MLKL: variants seen among roughly 807,000 people sequenced by gnomAD.
MLKL encodes the protein mixed lineage kinase domain like pseudokinase, also known as mixed lineage kinase domain-like protein.
Under a neutral mutation model 56.5 loss-of-function variants are expected in MLKL, and 55 were observed. That is an observed-to-expected ratio of 0.97 (90% CI 0.78 to 1.22). MLKL has a LOEUF of 1.22. Ranked by LOEUF, MLKL falls within the 50% of genes most tolerant of loss-of-function variation. The probability of loss-of-function intolerance (pLI) is 0.00; values close to 1 mark genes in which losing one functional copy is unlikely to be tolerated. For synonymous variants in MLKL, 251 were observed against 208.3 expected (o/e 1.20, Z -1.76); for missense variants, 694 against 573.9 (o/e 1.21, Z -2.14).
chr16:74,685,288 C>T (rs1960253197), intron 5 of MLKL, among the ~76,000 whole-genome samples, 198 bp downstream of exon 5: 1 of 152,106 alleles, frequency 6.6e-6, no homozygotes, highest in Non-Finnish European at 1.5e-5. Flanking sequence ...AACCACCCCT[C>T]AGCCTTCAGC....
Position 74,678,883 on chromosome 16 carries a change from C to G in MLKL, c.1038+16G>C, listed in dbSNP as rs774979569. 6.2e-7 allele frequency: 1 copy of G among 1,612,844 alleles called. No individual in the cohort carries two copies. Among genetic ancestry groups the G allele is most frequent in the South Asian group, 1.1e-5 (1 of 90,990 alleles). Reference sequence around the variant, plus strand: ...ATGCAGGTTTGACCCAAAGCGCCCCCGCAAGGCACACTCACCTTCACTTGG... The same window carrying G: ...ATGCAGGTTTGACCCAAAGCGCCCCGGCAAGGCACACTCACCTTCACTTGG... On this transcript the variant is annotated intron_variant, in intron 7 of 10. Transcript: ENST00000308807.
chr16:74,684,740 C>T (rs180896377), intron 5 of MLKL, among the ~76,000 whole-genome samples: 48 of 152,232 alleles, frequency 3.2e-4, no homozygotes, highest in Non-Finnish European at 4.7e-4. Context: ...GTGATCCACC[C>T]ACCTCAGCCT....
chr16:74,692,981 G>A (rs956413573), intron 2 of MLKL, among the ~76,000 whole-genome samples: 15 of 152,216 alleles, frequency 9.9e-5, no homozygotes, highest in Non-Finnish European at 2.1e-4. Flanking sequence ...CTGGGGACAT[G>A]AAACCCTGAC....
rs554636664 is a variant in MLKL at position 74,685,534 on chromosome 16, C to T, written c.772G>A (p.Glu258Lys). Residue 258 changes from glutamate to lysine, a missense_variant, in exon 5 of 11, where the codon GAA (glutamate) becomes AAA (lysine). Coordinates refer to ENST00000308807, the MANE Select transcript of MLKL (RefSeq NM_152649.4). ...NKEIKTMKKF[E>K]SPNILRIFGI... ...AATATACGCAGGATGTTGGGAGATT[C>T]GAATTTCTTCATGGTTTTGATCTCC... 1.1e-5 allele frequency: 18 copies of T among 1,614,060 alleles called. No homozygotes were observed. Among genetic ancestry groups the T allele is most frequent in the Admixed American group, 8.3e-5 (5 of 60,002 alleles).
intron 3 of MLKL, 71 bp downstream of exon 3, chr16:74,692,271 C>G (rs1454681415): frequency 8.1e-6 from 11 of 1,364,692 alleles, no homozygotes; most frequent in Non-Finnish European, 1.1e-5. Flanking sequence ...TAGCGGGAGG[C>G]TGGGGTCCCA....
intron 5 of MLKL, among the ~76,000 whole-genome samples, chr16:74,684,645 C>T (rs1168057679): frequency 6.6e-6 from 1 of 151,164 alleles, no homozygotes; most frequent in Non-Finnish European, 1.5e-5. Context: ...GAGGCATGTG[C>T]CACCACATCC....
chr16:74,675,541 T>G, intron 8 of MLKL, 72 bp downstream of exon 8: 1 of 1,576,452 alleles, frequency 6.3e-7, no homozygotes, highest in South Asian at 1.2e-5. Flanking sequence ...TAGGTGGTCC[T>G]TGGAGGAGTT....
Position 74,678,879 on chromosome 16 carries a change from C to T in MLKL, c.1038+20G>A, listed in dbSNP as rs1364071879. 1.2e-6 allele frequency: 2 copies of T among 1,609,778 alleles called. No homozygotes were observed. ...AGTCATGCAGGTTTGACCCAAAGCG[C>T]CCCCGCAAGGCACACTCACCTTCAC... On this transcript the variant is annotated intron_variant, in intron 7 of 10. Transcript: ENST00000308807.
intron 10 of MLKL, among the ~76,000 whole-genome samples, chr16:74,672,769 G>C (rs1597474521): frequency 6.6e-6 from 1 of 152,186 alleles, no homozygotes; most frequent in East Asian, 1.9e-4. Flanking sequence ...ATCTTAGTAT[G>C]AATTACTCTC....
chr16:74,679,035 G>A, intron 6 of MLKL, 55 bp from the exon 7 acceptor site: 2 of 1,414,136 alleles, frequency 1.4e-6, no homozygotes, highest in Non-Finnish European at 2.0e-6. Context: ...TTTCTTTGGG[G>A]GACTGACAAT....
intron 4 of MLKL, among the ~76,000 whole-genome samples, chr16:74,685,900 G>T (rs532340367): frequency 1.3e-5 from 2 of 151,624 alleles, no homozygotes; most frequent in Non-Finnish European, 2.9e-5. Context: ...TCAAGTATTT[G>T]TTACTGTTTT....
intron 4 of MLKL, among the ~76,000 whole-genome samples, chr16:74,686,002 C>G (rs149909511): frequency 6.6e-6 from 1 of 151,300 alleles, no homozygotes; most frequent in East Asian, 1.9e-4. Flanking sequence ...CTTTGTCACC[C>G]AGGCTGGAGT....
Position 74,682,792 on chromosome 16 carries a change from G to A in MLKL, c.821-6C>T. On this transcript the variant is annotated splice_polypyrimidine_tract_variant and splice_region_variant and intron_variant, in intron 5 of 10. Transcript: ENST00000308807. The stretch of plus-strand genomic sequence containing the variant: ...GGAGAATTGAGGCGGAGTCACTGGT[G>A]GAAAGGAGCCAGACACTATGAGGAC... 1 of 1,613,790 alleles carries A rather than the reference G, an allele frequency of 6.2e-7. No individual in the cohort carries two copies. The highest frequency in any genetic ancestry group is 8.5e-7 in the Non-Finnish European group (1 of 1,179,834).
chr16:74,692,348 T>C lies in MLKL; in HGVS notation c.529A>G (p.Arg177Gly). 1 of 1,613,598 alleles carries C rather than the reference T, an allele frequency of 6.2e-7. No homozygotes were observed. Among genetic ancestry groups the C allele is most frequent in the South Asian group, 1.1e-5 (1 of 90,842 alleles). The part of the protein sequence containing the change: ...INMKEIKETL[R>G]QYLPPKCMQE... Reference sequence around the variant, plus strand: ...AGGGCACATGATAACTTACACTGCCTCAAAGTTTCCTTGATTTCTTTCATG... The same window carrying C: ...AGGGCACATGATAACTTACACTGCCCCAAAGTTTCCTTGATTTCTTTCATG... The change falls in exon 3 of 11, where the codon AGG (arginine) becomes GGG (glycine). Residue 177 changes from arginine to glycine, a missense_variant. By Grantham distance (125) the Arg-to-Gly change is moderately radical. Transcript: ENST00000308807.
At position 74,691,301 on chromosome 16, in the gene MLKL, T is replaced by C. The variant is rs1960659037; in HGVS notation, c.698A>G (p.Lys233Arg). 3 of 1,611,414 alleles carry C rather than the reference T, an allele frequency of 1.9e-6. No individual in the cohort carries two copies. Among genetic ancestry groups the C allele is most frequent in the South Asian group, 2.2e-5 (2 of 90,778 alleles). ...HRAPVAIKVF[K>R]KLQAGSIAIV... ...CGCAATGCTGCCAGCCTGGAGTTTT[T>C]TGAATACTTTTATGGCCACTGGAGC... The change falls in exon 4 of 11, where the codon AAA becomes AGA. Residue 233 changes from lysine to arginine, a missense_variant. Coordinates refer to ENST00000308807, the MANE Select transcript of MLKL (RefSeq NM_152649.4).
At chr16:74,691,524 A>G (rs924598887) in intron 3 of MLKL, 61 bp from the exon 4 acceptor site, 1 of 1,536,252 alleles carries the variant, frequency 6.5e-7, no homozygotes, top group African/African-American at 1.4e-5. Context: ...AAGGGGTCCT[A>G]AGGGAGGTGG....
intron 7 of MLKL, chr16:74,676,605 G>C (rs1012786580): frequency 8.1e-6 from 3 of 370,582 alleles, no homozygotes; most frequent in African/African-American, 4.4e-5. Flanking sequence ...TGCATGAAGA[G>C]CGTGAGAGTA....
Position 74,691,346 on chromosome 16 carries a change from T to C in MLKL, c.653A>G (p.Tyr218Cys), listed in dbSNP as rs745930027. The C allele has an allele frequency of 6.2e-7, 1 of 1,614,136 alleles. No individual in the cohort carries two copies. Among genetic ancestry groups the C allele is most frequent in the East Asian group, 2.2e-5 (1 of 44,876 alleles). ...LLRENEVSTL[Y>C]KGEYHRAPVA... ...TGGAGCTCTGTGGTATTCTCCTTTA[T>C]AAAGTGTGCTGACTTCATTTTCCCT... The change falls in exon 4 of 11, where the codon TAT becomes TGT. Residue 218 changes from tyrosine to cysteine, a missense_variant. Transcript: ENST00000308807.
rs1286136428 is a variant in MLKL at position 74,695,292 on chromosome 16, G to A, written c.460+6C>T. On this transcript the variant is annotated splice_donor_region_variant and intron_variant, in intron 2 of 10. Coordinates refer to ENST00000308807, the MANE Select transcript of MLKL (RefSeq NM_152649.4). ...ACTCCCACTCCCCACCAAAGACCCA[G>A]CTTGCCTCTTCTTAGCATCTGGAAA... 1.9e-6 allele frequency: 3 copies of A among 1,612,082 alleles called. No individual in the cohort carries two copies. The highest frequency in any genetic ancestry group is 2.5e-6 in the Non-Finnish European group (3 of 1,179,026).
Sources: gnomAD v4.1 joint callset for allele counts (sites outside exome capture counted in the v4.1 genomes callset) on GRCh38, gnomAD v4.1.1 for gene constraint, MANE v1.5 for transcripts, NCBI Gene and HGNC (gene_info 2026-07-23, HGNC 2026-07-21) for gene names.